Variants in MAP3K14 observed in about 807,000 individuals in gnomAD.
MAP3K14 encodes the protein NF-kappa-beta-inducing kinase.
A neutral mutation model predicts 99.2 loss-of-function variants in MAP3K14; 16 were observed. That is an observed-to-expected ratio of 0.16 (90% confidence interval 0.11 to 0.24). The LOEUF is 0.24. Ranked by LOEUF, MAP3K14 falls within the 10% of genes least tolerant of loss-of-function variation. The pLI is 1.00. For synonymous variants in MAP3K14, 462 were observed against 492.4 expected (o/e 0.94, Z 0.82); for missense variants, 784 against 1,208.7 (o/e 0.65, Z 5.21).
intron 6 of MAP3K14, among the ~76,000 whole-genome samples, chr17:45,276,590 C>A (rs1362079492): frequency 6.6e-6 from 1 of 151,618 alleles, no homozygotes; most frequent in Non-Finnish European, 1.5e-5. Context: ...CAGCTAATTA[C>A]AACCTCCGCC....
In MAP3K14 at chr17:45,286,472, T is replaced by C. The variant is rs1361119970; in HGVS notation, c.1111A>G (p.Ser371Gly). Residue 371 changes from serine (S) to glycine (G), a missense_variant, in exon 5 of 16, where the codon AGC becomes GGC. Physicochemically the swap from Ser to Gly is moderately conservative, Grantham distance 56. Transcript: ENST00000344686. The surrounding 1 kb of genome is among the most constrained non-coding windows in gnomAD (Gnocchi z 4.1). ...CCCTCGTTGTCCTCAGTTTTGGGGC[T>C]GGGCTCCCGGGATCTGGAGCCCCTT... ...AARGSRSREPSPKTEDNEGVL... is the reference protein window; with the variant it reads ...AARGSRSREPGPKTEDNEGVL... The C allele has an allele frequency of 1.2e-6, 2 of 1,602,036 alleles. No homozygotes were observed. The highest frequency in any genetic ancestry group is 2.2e-5 in the South Asian group (2 of 89,326).
chr17:45,314,159 G>C (rs756554249), intron 1 of MAP3K14, among the ~76,000 whole-genome samples: 24 of 152,148 alleles, frequency 1.6e-4, no homozygotes, highest in African/African-American at 4.6e-4. Context: ...GCAGTCATAA[G>C]CCCAGAACAA....
chr17:45,307,463 C>G (rs1210061637), intron 1 of MAP3K14, among the ~76,000 whole-genome samples: 1 of 152,026 alleles, frequency 6.6e-6, no homozygotes. Context: ...CAGCCAGTTT[C>G]TTTGATGACT....
At chr17:45,298,379 G>C (rs76868879) in intron 1 of MAP3K14, among the ~76,000 whole-genome samples, 53 of 152,272 alleles carry the variant, frequency 3.5e-4, no homozygotes, top group African/African-American at 1.2e-3. Context: ...ATTAACCACA[G>C]TACATGTGAG....
intron 6 of MAP3K14, among the ~76,000 whole-genome samples, chr17:45,282,567 A>G (rs2044231940): frequency 1.3e-5 from 2 of 151,418 alleles, no homozygotes; most frequent in African/African-American, 4.8e-5. Context: ...AAAAAAAAAA[A>G]AAAGAAAGAA....
intron 5 of MAP3K14, among the ~76,000 whole-genome samples, 168 bp from the exon 6 acceptor site, chr17:45,285,117 C>T: frequency 6.6e-6 from 1 of 152,130 alleles, no homozygotes; most frequent in East Asian, 1.9e-4. Context: ...CCGGGCAGCA[C>T]CAGAGAGGGG....
intron 1 of MAP3K14, among the ~76,000 whole-genome samples, chr17:45,291,261 A>G (rs943468281): frequency 1.3e-5 from 2 of 151,920 alleles, no homozygotes; most frequent in African/African-American, 4.8e-5. Flanking sequence ...GAGAGAAGCA[A>G]GGTTCTATTC....
At chr17:45,313,755 A>C (rs988795494) in intron 1 of MAP3K14, among the ~76,000 whole-genome samples, 9 of 152,244 alleles carry the variant, frequency 5.9e-5, no homozygotes, top group African/African-American at 2.2e-4. Context: ...ACAATAAATA[A>C]ATAAAGCTGC....
chr17:45,304,843 C>T (rs2044418813), intron 1 of MAP3K14, among the ~76,000 whole-genome samples: 1 of 152,126 alleles, frequency 6.6e-6, no homozygotes, highest in Admixed American at 6.6e-5. Flanking sequence ...TGGTGTGTGA[C>T]CATGGGCAGG....
chr17:45,309,960 G>A (rs1299957925), intron 1 of MAP3K14, among the ~76,000 whole-genome samples: 1 of 151,742 alleles, frequency 6.6e-6, no homozygotes, highest in Non-Finnish European at 1.5e-5. Flanking sequence ...TCTGCCAGTG[G>A]AGACTGTTGG....
chr17:45,287,187 G>T lies in MAP3K14; in HGVS notation c.504C>A (p.Thr168=). 6.2e-7 allele frequency: 1 copy of T among 1,613,896 alleles called. No individual in the cohort carries two copies. Among genetic ancestry groups the T allele is most frequent in the South Asian group, 1.1e-5 (1 of 91,066 alleles). The change falls in exon 4 of 16, where the codon ACC becomes ACA. Residue 168 remains threonine (T), a synonymous_variant. Transcript: ENST00000344686. ...GGATGGTGCAGCTCTCCTGCTCAGG[G>T]GTCCTGGGGAGGGGTTTGGCCAAGG... ...GVALAKPLPR[T]PEQESCTIPV... is the part of the protein sequence containing the mutation.
intron 14 of MAP3K14, among the ~76,000 whole-genome samples, chr17:45,265,799 C>T (rs8076520): frequency 0.014 from 2,098 of 152,280 alleles, 51 homozygotes; most frequent in African/African-American, 0.048. Context: ...ATATTATATA[C>T]ACCTGCTAGT....
intron 3 of MAP3K14, among the ~76,000 whole-genome samples, chr17:45,287,593 A>G (rs2044277901): frequency 6.6e-6 from 1 of 152,262 alleles, no homozygotes; most frequent in Non-Finnish European, 1.5e-5. Context: ...TGAAGTTTCA[A>G]TAATTTAGTT....
At chr17:45,270,286 C>T in intron 11 of MAP3K14, 127 bp downstream of exon 11, 1 of 1,194,200 alleles carries the variant, frequency 8.4e-7, no homozygotes, top group Non-Finnish European at 1.1e-6. Context: ...GGCTGCTGCA[C>T]CCCCATAATC....
rs781609822 is a variant in MAP3K14, at chr17:45,287,358, G to A, written c.333C>T (p.Ser111=). 1.9e-5 allele frequency: 31 copies of A among 1,613,716 alleles called. No homozygotes were observed. The highest frequency in any genetic ancestry group is 2.7e-5 in the African/African-American group (2 of 74,912). Reference sequence around the variant, plus strand: ...TGTTGGGGATCTGATCAAGACTCTCGGACTGGCTGTCACAAAAGGGACAGA... The same window carrying A: ...TGTTGGGGATCTGATCAAGACTCTCAGACTGGCTGTCACAAAAGGGACAGA... ...FIAGSKQYSQ[S]ESLDQIPNNV... The change falls in exon 4 of 16, where the codon TCC becomes TCT. Residue 111 remains serine, a synonymous_variant. Transcript: ENST00000344686.
In MAP3K14 at chr17:45,266,655, C is replaced by A. The variant is rs765627329; in HGVS notation, c.2460G>T (p.Ser820=). 1.2e-6 allele frequency: 2 copies of A among 1,612,364 alleles called. No homozygotes were observed. The highest frequency in any genetic ancestry group is 2.7e-5 in the African/African-American group (2 of 74,866). Residue 820 remains serine, a synonymous_variant, in exon 14 of 16, where the codon TCG becomes TCT. Coordinates refer to ENST00000344686, the MANE Select transcript of MAP3K14 (RefSeq NM_003954.5). ...GTACGCCTGAGCTCAGGGTGTCCCGCGAGCTTTGAGAGGCCTTTGATGGGT... is the reference window on the plus strand; with the variant it reads ...GTACGCCTGAGCTCAGGGTGTCCCGAGAGCTTTGAGAGGCCTTTGATGGGT... ...EKNPSKASQS[S]RDTLSSGVHS...
chr17:45,281,641 T>C (rs1047703722), intron 6 of MAP3K14: 7 of 90,274 alleles, frequency 7.8e-5, no homozygotes, highest in African/African-American at 2.0e-4. Context: ...ATCTTACTTC[T>C]TTTTTTTTTT....
At chr17:45,292,596 C>T (rs1310652033) in intron 1 of MAP3K14, among the ~76,000 whole-genome samples, 6 of 152,072 alleles carry the variant, frequency 3.9e-5, no homozygotes, top group Non-Finnish European at 7.4e-5. Context: ...GGTGTTCTGA[C>T]ATCCAATTAG....
intron 1 of MAP3K14, among the ~76,000 whole-genome samples, chr17:45,300,703 C>T (rs988968138): frequency 6.6e-6 from 1 of 152,156 alleles, no homozygotes; most frequent in African/African-American, 2.4e-5. Flanking sequence ...TCCTCCTGGT[C>T]CTGACACCCC....
Sources: gnomAD v4.1 joint callset for allele counts (sites outside exome capture counted in the v4.1 genomes callset) on GRCh38, gnomAD v4.1.1 for gene constraint, Gnocchi (gnomAD v3.1) non-coding constraint, MANE v1.5 for transcripts, NCBI Gene and HGNC (gene_info 2026-07-23, HGNC 2026-07-21) for gene names.